Variants in DHCR24 observed in about 807,000 individuals in gnomAD.
The protein encoded by DHCR24 is 24-dehydrocholesterol reductase.
In DHCR24, 28 loss-of-function variants were observed where a neutral mutation model predicts 61.2. The ratio of observed to expected loss-of-function variants is 0.46; its 90% CI spans 0.34 to 0.63. The LOEUF (loss-of-function observed/expected upper bound fraction) is 0.63. Ranked by LOEUF, DHCR24 falls within the 20% of genes least tolerant of loss-of-function variation. The pLI is 0.01. For missense variants in DHCR24, 538 were observed against 679.1 expected, an observed-to-expected ratio of 0.79 and a Z score of 2.31; for synonymous variants, 261 against 275.9, an observed-to-expected ratio of 0.95 and a Z score of 0.54.
At chr1:54,879,353 T>G (rs1411323778) in intron 2 of DHCR24, among the ~76,000 whole-genome samples, 1 of 92,350 alleles carries the variant, frequency 1.1e-5, no homozygotes, top group African/African-American at 4.5e-5. Flanking sequence ...AAAAAAAAAA[T>G]CCAAATCAAA....
chr1:54,860,725 C>T (rs576411025), intron 6 of DHCR24, among the ~76,000 whole-genome samples: 3 of 152,216 alleles, frequency 2.0e-5, no homozygotes, highest in Non-Finnish European at 4.4e-5. Flanking sequence ...GTGGCTCACG[C>T]CTGTAATCCC....
rs566605378 is a variant in DHCR24, at chr1:54,874,087, T to G, written c.612+1006A>C. On this transcript the variant is annotated intron_variant, in intron 4 of 8. Coordinates refer to ENST00000371269, the MANE Select transcript of DHCR24 (RefSeq NM_014762.4). The stretch of plus-strand genomic sequence containing the variant: ...CAATGTGTTTGCATTTTAAGCTAAG[T>G]GTTATTACAAGAGTCAAAAGTTTTT... Among the ~76,000 whole-genome samples, 4 of 152,360 alleles carry G rather than the reference T, an allele frequency of 2.6e-5. No homozygotes were observed. The South Asian group carries it at 8.3e-4, about 32-fold the overall frequency.
In DHCR24 at chr1:54,850,063, G is replaced by A. The variant is rs1646866372; in HGVS notation, c.*2170C>T. ...AAAAGCCATGAACTCAGCTCACCAT[G>A]CTAAGAAGACTGCCTCTTTCCAGGC... On this transcript the variant is annotated 3_prime_UTR_variant, in exon 9 of 9. Transcript: ENST00000371269. 1 of 152,352 alleles carries A rather than the reference G, an allele frequency of 6.6e-6. No homozygotes were observed. Among genetic ancestry groups the A allele is most frequent in the African/African-American group, 2.4e-5 (1 of 41,574 alleles). 9.4% of individuals were successfully genotyped at this position (152,352 alleles called of 1,614,324 possible).
chr1:54,852,527 A>T, intron 8 of DHCR24, 141 bp from the exon 9 acceptor site: 1 of 947,852 alleles, frequency 1.1e-6, no homozygotes, highest in South Asian at 1.4e-5. Context: ...CTGGTGAAGA[A>T]GATGGTGCAG....
rs1245305179 is a variant in DHCR24, at chr1:54,871,360, T to C, written c.866A>G (p.Glu289Gly). 1 of 1,614,104 alleles carries C rather than the reference T, an allele frequency of 6.2e-7. No individual in the cohort carries two copies. Among genetic ancestry groups the C allele is most frequent in the Admixed American group, 1.7e-5 (1 of 60,026 alleles). The part of the protein sequence containing the change: ...IMTGVMTDEA[E>G]PSKLNSIGNY... Reference sequence around the variant, plus strand: ...GACACCCTGGCTTACCTTGCTGGGCTCTGCCTCATCTGTCATGACCCCTGT... The same window carrying C: ...GACACCCTGGCTTACCTTGCTGGGCCCTGCCTCATCTGTCATGACCCCTGT... The change falls in exon 5 of 9, where the codon GAG (glutamate) becomes GGG (glycine). Residue 289 changes from glutamate (E) to glycine (G), a missense_variant. By Grantham distance (98) the Glu-to-Gly change is moderately conservative. Transcript: ENST00000371269.
At chr1:54,855,031 C>T (rs897718235) in intron 6 of DHCR24, among the ~76,000 whole-genome samples, 1 of 152,120 alleles carries the variant, frequency 6.6e-6, no homozygotes, top group East Asian at 1.9e-4. Context: ...CCTGAGGGTC[C>T]CCAGTGTCCA....
At position 54,862,401 on chromosome 1, in the gene DHCR24, G is replaced by A. The variant is rs918456166; in HGVS notation, c.1020+2902C>T. Among the ~76,000 whole-genome samples, 5 of 152,234 alleles carry A rather than the reference G, an allele frequency of 3.3e-5. 1 individual carries two copies. Among genetic ancestry groups the A allele is most frequent in the Admixed American group, 6.5e-5 (1 of 15,286 alleles). On this transcript the variant is annotated intron_variant, in intron 6 of 8. Transcript: ENST00000371269. The stretch of plus-strand genomic sequence containing the variant: ...ATTCCTATGGCCAAATCCAGAGGTC[G>A]AGTCTGTCTTCATCTCCTTCAGCAG...
At chr1:54,870,368 T>TTA (rs1406671538) in intron 5 of DHCR24, among the ~76,000 whole-genome samples, 2 of 152,212 alleles carry the variant, frequency 1.3e-5, no homozygotes, top group African/African-American at 4.8e-5. Context: ...TACATTACTT[T>TTA]TATAATTTAA....
chr1:54,883,534 G>T lies in DHCR24; in HGVS notation c.387+84C>A, dbSNP rs1353332139. On this transcript the variant is annotated intron_variant, in intron 2 of 8. Transcript: ENST00000371269. The surrounding 1 kb of genome is among the most constrained non-coding windows in gnomAD (Gnocchi z 4.3). ...GTCCTGTCCACTCTGCAATGCCCTT[G>T]GCTAAAATCATCTCCCTATGAGTCA... 1 of 1,552,350 alleles carries T rather than the reference G, an allele frequency of 6.4e-7. No individual in the cohort carries two copies.
At chr1:54,854,813 CT>C (rs1288517095) in intron 6 of DHCR24, among the ~76,000 whole-genome samples, 1 of 152,176 alleles carries the variant, frequency 6.6e-6, no homozygotes, top group Non-Finnish European at 1.5e-5. Flanking sequence ...ACCCGCCTGG[CT>C]CCCCCAATTC....
chr1:54,870,113 T>A (rs1308638998), intron 5 of DHCR24, among the ~76,000 whole-genome samples: 1 of 151,898 alleles, frequency 6.6e-6, no homozygotes, highest in African/African-American at 2.4e-5. Flanking sequence ...TCCCAGCTAC[T>A]TAGGAGGCTA....
intron 5 of DHCR24, among the ~76,000 whole-genome samples, chr1:54,868,470 A>C (rs56956979): frequency 6.6e-6 from 1 of 150,976 alleles, no homozygotes; most frequent in African/African-American, 2.4e-5. Flanking sequence ...ACTCTGTCTC[A>C]AAAAAAAACA....
rs1647102464 is a variant in DHCR24, at chr1:54,886,952, C to T, written c.168G>A (p.Val56=). The change falls in exon 1 of 9, where the codon GTG becomes GTA. Residue 56 remains valine, a synonymous_variant. Coordinates refer to ENST00000371269, the MANE Select transcript of DHCR24 (RefSeq NM_014762.4). Reference sequence around the variant, plus strand: ...GCGGAGCGCTGCTGAGCTTGAACACCACCCAGGCGCGCACGTAGTAGTAGA... The same window carrying T: ...GCGGAGCGCTGCTGAGCTTGAACACTACCCAGGCGCGCACGTAGTAGTAGA... ...FDIYYYVRAW[V]VFKLSSAPRL... is the part of the protein sequence containing the mutation. The T allele has an allele frequency of 1.2e-6, 2 of 1,613,682 alleles. No homozygotes were observed. The highest frequency in any genetic ancestry group is 1.7e-6 in the Non-Finnish European group (2 of 1,179,706).
intron 5 of DHCR24, among the ~76,000 whole-genome samples, chr1:54,869,976 A>G (rs866127988): frequency 5.9e-5 from 9 of 151,812 alleles, no homozygotes; most frequent in Non-Finnish European, 1.3e-4. Flanking sequence ...AATCGTGTGA[A>G]CCTGGGAGAC....
At position 54,870,269 on chromosome 1, in the gene DHCR24, G is replaced by A. The variant is rs190447703; in HGVS notation, c.876+1081C>T. Among the ~76,000 whole-genome samples, 47 of 152,046 alleles carry A rather than the reference G, an allele frequency of 3.1e-4. No homozygotes were observed. The Middle Eastern group carries it at 0.01, about 33-fold the overall frequency. On this transcript the variant is annotated intron_variant, in intron 5 of 8. Transcript: ENST00000371269. ...TAAATAAAAATAAATAGGTCTCGAA[G>A]AATGCACACAAAACTGTTATACGTA...
intron 6 of DHCR24, among the ~76,000 whole-genome samples, chr1:54,863,030 G>A (rs902393899): frequency 1.5e-5 from 2 of 131,486 alleles, no homozygotes; most frequent in Admixed American, 9.1e-5. Context: ...GGGCGAAATT[G>A]CGCCACTGCA....
At chr1:54,853,669 A>C (rs1349009336) in intron 7 of DHCR24, 57 bp from the exon 8 acceptor site, 31 of 1,556,698 alleles carry the variant, frequency 2.0e-5, no homozygotes, top group Non-Finnish European at 2.4e-5. Flanking sequence ...TGACAGGCTC[A>C]TGGCTGGCCC....
Position 54,887,185 on chromosome 1 carries a change from T to G in DHCR24, c.-66A>C. On this transcript the variant is annotated 5_prime_UTR_variant, in exon 1 of 9. Transcript: ENST00000371269. Reference sequence around the variant, plus strand: ...CTGTCACTGCCGCCAGCTCCGCGCCTGGCCCGCTCTGCGCCTGTAGCCCAC... The same window carrying G: ...CTGTCACTGCCGCCAGCTCCGCGCCGGGCCCGCTCTGCGCCTGTAGCCCAC... The G allele has an allele frequency of 2.2e-6, 3 of 1,378,478 alleles. No individual in the cohort carries two copies. The highest frequency in any genetic ancestry group is 4.1e-5 in the Admixed American group (2 of 48,628). The allele number at this position is 1,378,478 out of a possible 1,614,324, so 85.4% of individuals were successfully genotyped here.
intron 2 of DHCR24, among the ~76,000 whole-genome samples, chr1:54,879,043 G>C (rs1647050462): frequency 6.6e-6 from 1 of 152,170 alleles, no homozygotes; most frequent in Non-Finnish European, 1.5e-5. Context: ...GATCCGGCCA[G>C]GTGCAATGCC....
Sources: gnomAD v4.1 joint callset for allele counts (sites outside exome capture counted in the v4.1 genomes callset) on GRCh38, gnomAD v4.1.1 for gene constraint, Gnocchi (gnomAD v3.1) non-coding constraint, MANE v1.5 for transcripts, NCBI Gene and HGNC (gene_info 2026-07-23, HGNC 2026-07-21) for gene names.